GRIK5: variants seen among roughly 807,000 people sequenced by gnomAD.
The protein encoded by GRIK5 is glutamate ionotropic receptor kainate type subunit 5.
Under a neutral mutation model 97.4 loss-of-function variants are expected in GRIK5, and 43 were observed. That is an observed-to-expected ratio of 0.44 (90% CI 0.35 to 0.57). The LOEUF (loss-of-function observed/expected upper bound fraction) is 0.57, where lower values mean the gene tolerates loss of function less well. GRIK5 is among the 20% of genes least tolerant of loss of function. The pLI, the probability that GRIK5 is intolerant of heterozygous loss-of-function variation, is 0.01. For missense variants in GRIK5, 1,015 were observed against 1,382.0 expected, an observed-to-expected ratio of 0.73 and a Z score of 4.21; for synonymous variants, 580 against 583.5, an observed-to-expected ratio of 0.99 and a Z score of 0.09.
intron 1 of GRIK5, among the ~76,000 whole-genome samples, chr19:42,068,290 C>A (rs1262186072): frequency 2.0e-5 from 3 of 152,118 alleles, no homozygotes; most frequent in Non-Finnish European, 4.4e-5. Context: ...GCATAGCCAC[C>A]CCAAGACACT....
At chr19:42,061,714 C>T (rs2076261859) in intron 5 of GRIK5, among the ~76,000 whole-genome samples, 1 of 152,198 alleles carries the variant, frequency 6.6e-6, no homozygotes, top group South Asian at 2.1e-4. Flanking sequence ...ATCACCCTGG[C>T]CCCCTCATTC....
chr19:42,061,980 C>T (rs1250450778), intron 5 of GRIK5, among the ~76,000 whole-genome samples: 1 of 152,194 alleles, frequency 6.6e-6, no homozygotes, highest in African/African-American at 2.4e-5. Flanking sequence ...GGCTGTGCTC[C>T]CTGGGCCCTC....
chr19:42,006,777 G>A lies in GRIK5; in HGVS notation c.1905C>T (p.Tyr635=). 6.2e-7 allele frequency: 1 copy of A among 1,612,130 alleles called. No homozygotes were observed. The highest frequency in any genetic ancestry group is 8.5e-7 in the Non-Finnish European group (1 of 1,178,918). The part of the protein sequence containing the change: ...WAFTLIIISS[Y]TANLAAFLTV... ...TGAGGAAGGCGGCCAGGTTGGCCGT[G>A]TAGGAGGAGATGATGATCAAGGTGA... Residue 635 remains tyrosine (Y), a synonymous_variant, in exon 16 of 20, where the codon TAC becomes TAT. Transcript: ENST00000593562. This position sits in a 1 kb window ranked among gnomAD's most constrained non-coding sequence, Gnocchi z 5.3.
chr19:42,011,825 T>C (rs1224511070), intron 15 of GRIK5, among the ~76,000 whole-genome samples: 2 of 151,940 alleles, frequency 1.3e-5, no homozygotes, highest in Non-Finnish European at 2.9e-5. Flanking sequence ...ATTTAAAAAA[T>C]TAGCTGGGCA....
intron 15 of GRIK5, among the ~76,000 whole-genome samples, chr19:42,019,988 T>G (rs1346587212): frequency 7.1e-6 from 1 of 140,310 alleles, no homozygotes; most frequent in Non-Finnish European, 1.6e-5. Flanking sequence ...TTTTTGGGGG[T>G]TTTTTTTTTT....
At position 41,998,955 on chromosome 19, in the gene GRIK5, G is replaced by A; in HGVS notation, c.2859C>T (p.Gly953=). The change falls in exon 20 of 20, where the codon GGC becomes GGT. Residue 953 remains glycine (G), a synonymous_variant. Transcript: ENST00000593562. ...TGGTGGCTTCGGCGGGGACGCCCAGGCCACGCGGAGGCGCGCCGGCCCCCG... is the reference window on the plus strand; with the variant it reads ...TGGTGGCTTCGGCGGGGACGCCCAGACCACGCGGAGGCGCGCCGGCCCCCG... ...RASGAGAPPR[G]LGVPAEATSP... 1 of 1,137,290 alleles carries A rather than the reference G, an allele frequency of 8.8e-7. No individual in the cohort carries two copies. The highest frequency in any genetic ancestry group is 1.1e-6 in the Non-Finnish European group (1 of 928,078). The allele number at this position is 1,137,290 out of a possible 1,614,324, so 70.4% of individuals were successfully genotyped here.
chr19:42,065,149 G>A lies in GRIK5; in HGVS notation c.244+74C>T, dbSNP rs1485063191. On this transcript the variant is annotated intron_variant, in intron 3 of 19. Coordinates refer to ENST00000593562, the MANE Select transcript of GRIK5 (RefSeq NM_002088.5). This position sits in a 1 kb window ranked among gnomAD's most constrained non-coding sequence, Gnocchi z 5.8. ...AGAAGAGGACAAGGCCAGGCCAGAGGCCAGGGGCAGAGGGATGGACTGAGG... is the reference window on the plus strand; with the variant it reads ...AGAAGAGGACAAGGCCAGGCCAGAGACCAGGGGCAGAGGGATGGACTGAGG... The A allele has an allele frequency of 5.2e-6, 7 of 1,350,598 alleles. No individual in the cohort carries two copies. The Middle Eastern group carries it at 6.8e-4, about 132-fold the overall frequency. The allele number at this position is 1,350,598 out of a possible 1,614,324, so 83.7% of individuals were successfully genotyped here.
At position 41,999,265 on chromosome 19, in the gene GRIK5, C is replaced by CGCAGCTCCTGCA. The variant is rs1250789076; in HGVS notation, c.2537_2548dup (p.Leu846_Leu849dup). ...CGTCTTGCGGCAAGAAACGGCGTGGCGCAGCTCCTGCAGCATCTCCTGGCA... is the reference window on the plus strand; with the variant it reads ...CGTCTTGCGGCAAGAAACGGCGTGGCGCAGCTCCTGCAGCAGCTCCTGCAGCATCTCCTGGCA... On this transcript the variant is annotated inframe_insertion, in exon 20 of 20. Transcript: ENST00000593562. The surrounding 1 kb of genome is among the most constrained non-coding windows in gnomAD (Gnocchi z 5.0). 1 of 1,525,596 alleles carries CGCAGCTCCTGCA rather than the reference C, an allele frequency of 6.6e-7. No individual in the cohort carries two copies. The highest frequency in any genetic ancestry group is 8.7e-7 in the Non-Finnish European group (1 of 1,143,210). The allele number at this position is 1,525,596 out of a possible 1,614,324, so 94.5% of individuals were successfully genotyped here.
rs1423559477 is a variant in GRIK5 at position 42,002,581 on chromosome 19, G to A, written c.2514+751C>T. On this transcript the variant is annotated intron_variant, in intron 19 of 19. Coordinates refer to ENST00000593562, the MANE Select transcript of GRIK5 (RefSeq NM_002088.5). This position sits in a 1 kb window ranked among gnomAD's most constrained non-coding sequence, Gnocchi z 5.2. ...AGATGTAAGGTCAGCCGCTGGATGTGAGGAGGGGGAGGAAGGGCTGGAGGC... is the reference window on the plus strand; with the variant it reads ...AGATGTAAGGTCAGCCGCTGGATGTAAGGAGGGGGAGGAAGGGCTGGAGGC... The A allele has an allele frequency of 2.5e-5, 16 of 646,132 alleles. No homozygotes were observed. Among genetic ancestry groups the A allele is most frequent in the Admixed American group, 9.9e-5 (4 of 40,582 alleles). 40.0% of individuals were successfully genotyped at this position (646,132 alleles called of 1,614,324 possible). A position where few individuals can be genotyped will look rare whatever the true frequency, so the allele number is the denominator to read the frequency against.
At chr19:42,037,160 A>G (rs990480683) in intron 12 of GRIK5, among the ~76,000 whole-genome samples, 1 of 152,200 alleles carries the variant, frequency 6.6e-6, no homozygotes, top group Non-Finnish European at 1.5e-5. Context: ...CTCTCATTTA[A>G]TTGCCTTAAA....
At position 42,005,857 on chromosome 19, in the gene GRIK5, G is replaced by A; in HGVS notation, c.2129C>T (p.Ala710Val). ...GGCGTAGCGGGAGTTGAGGACGCGG[G>A]CAATGCCCTCTTCTGTGCTCTTGAC... ...VFVKSTEEGI[A>V]RVLNSRYAFL... is the part of the protein sequence containing the mutation. The change falls in exon 17 of 20, where the codon GCC (alanine) becomes GTC (valine). Residue 710 changes from alanine to valine, a missense_variant. This residue lies in a region of GRIK5 where 229 missense variants were observed against 341.0 expected (regional missense o/e 0.67). Coordinates refer to ENST00000593562, the MANE Select transcript of GRIK5 (RefSeq NM_002088.5). 6.2e-7 allele frequency: 1 copy of A among 1,611,386 alleles called. No homozygotes were observed. The highest frequency in any genetic ancestry group is 8.5e-7 in the Non-Finnish European group (1 of 1,177,632).
At position 42,042,802 on chromosome 19, in the gene GRIK5, G is replaced by A. The variant is rs763719573; in HGVS notation, c.1270-47C>T. On this transcript the variant is annotated intron_variant, in intron 11 of 19. Coordinates refer to ENST00000593562, the MANE Select transcript of GRIK5 (RefSeq NM_002088.5). This position sits in a 1 kb window ranked among gnomAD's most constrained non-coding sequence, Gnocchi z 6.9. ...GGGGTCAGAGGCTGGGTGTCTAGTG[G>A]CTGGGTTGCGGATCCTGGAGCCCGG... 2 of 1,497,162 alleles carry A rather than the reference G, an allele frequency of 1.3e-6. No homozygotes were observed. Among genetic ancestry groups the A allele is most frequent in the Non-Finnish European group, 1.8e-6 (2 of 1,087,466 alleles). The allele number at this position is 1,497,162 out of a possible 1,614,324, so 92.7% of individuals were successfully genotyped here. A position where few individuals can be genotyped will look rare whatever the true frequency, so the allele number is the denominator to read the frequency against.
chr19:42,048,437 G>A lies in GRIK5; in HGVS notation c.1269+5165C>T, dbSNP rs184594262. On this transcript the variant is annotated intron_variant, in intron 11 of 19. Coordinates refer to ENST00000593562, the MANE Select transcript of GRIK5 (RefSeq NM_002088.5). ...GAGATCGAGACCATCCTGGCTAATCGGTGAAACCCCGTCTCTACTAAAAAT... is the reference window on the plus strand; with the variant it reads ...GAGATCGAGACCATCCTGGCTAATCAGTGAAACCCCGTCTCTACTAAAAAT... Among the ~76,000 whole-genome samples, 23 of 152,092 alleles carry A rather than the reference G, an allele frequency of 1.5e-4. No homozygotes were observed. In the East Asian group the frequency reaches 4.3e-3, roughly 28 times the overall value.
intron 1 of GRIK5, 120 bp downstream of exon 1, chr19:42,069,121 G>A: frequency 2.4e-6 from 1 of 423,236 alleles, no homozygotes. Flanking sequence ...CCCCTAGTGG[G>A]GGAGGGTACT....
Position 41,998,818 on chromosome 19 carries a change from G to T in GRIK5, c.*53C>A. The T allele has an allele frequency of 1.1e-6, 1 of 943,466 alleles. No individual in the cohort carries two copies. Among genetic ancestry groups the T allele is most frequent in the Non-Finnish European group, 1.3e-6 (1 of 762,982 alleles). The allele number at this position is 943,466 out of a possible 1,614,324, so 58.4% of individuals were successfully genotyped here. ...GGGAGCGGAGACTGCTGGGGCCTGG[G>T]GCGGGCCCCGTCCCTTCGGTCAGTC... On this transcript the variant is annotated 3_prime_UTR_variant, in exon 20 of 20. Coordinates refer to ENST00000593562, the MANE Select transcript of GRIK5 (RefSeq NM_002088.5).
chr19:42,027,884 T>C (rs529499508), intron 12 of GRIK5, among the ~76,000 whole-genome samples: 27 of 152,260 alleles, frequency 1.8e-4, no homozygotes, highest in Middle Eastern at 3.4e-3. Context: ...GGCTGGAGTT[T>C]AGTGGTGTGA....
At chr19:42,048,627 A>G (rs2076073702) in intron 11 of GRIK5, among the ~76,000 whole-genome samples, 1 of 152,050 alleles carries the variant, frequency 6.6e-6, no homozygotes, top group African/African-American at 2.4e-5. Context: ...CTCAAAATAA[A>G]AAAATAAACA....
rs2075442536 is a variant in GRIK5, at chr19:42,003,070, C to T, written c.2514+262G>A. Among the ~76,000 whole-genome samples the T allele has an allele frequency of 6.6e-6, 1 of 152,026 alleles. No homozygotes were observed. The highest frequency in any genetic ancestry group is 1.5e-5 in the Non-Finnish European group (1 of 68,006). On this transcript the variant is annotated intron_variant, in intron 19 of 19. Transcript: ENST00000593562. This position sits in a 1 kb window ranked among gnomAD's most constrained non-coding sequence, Gnocchi z 4.2. ...TTCTTATTTCTTCTTGCTTTTCTGCCTCTGTGGCTCCCCACATCCTGTCCC... is the reference window on the plus strand; with the variant it reads ...TTCTTATTTCTTCTTGCTTTTCTGCTTCTGTGGCTCCCCACATCCTGTCCC...
chr19:42,037,684 T>G (rs1489484295), intron 12 of GRIK5, among the ~76,000 whole-genome samples: 7 of 152,208 alleles, frequency 4.6e-5, no homozygotes, highest in Non-Finnish European at 1.0e-4. Context: ...GGGCACTCAT[T>G]GCCTCAGCTG....
Sources: gnomAD v4.1 joint callset for allele counts (sites outside exome capture counted in the v4.1 genomes callset) on GRCh38, gnomAD v4.1.1 for gene constraint, gnomAD v4.1.1 regional missense constraint, Gnocchi (gnomAD v3.1) non-coding constraint, MANE v1.5 for transcripts, NCBI Gene and HGNC (gene_info 2026-07-23, HGNC 2026-07-21) for gene names.